PRDM9: variants seen among roughly 807,000 people sequenced by gnomAD.
PRDM9 encodes the protein histone-lysine N-methyltransferase PRDM9.
Under a neutral mutation model 55.6 loss-of-function variants are expected in PRDM9, and 47 were observed. That is an observed-to-expected ratio of 0.85 (90% confidence interval 0.67 to 1.08). PRDM9 has a LOEUF of 1.08. PRDM9 is among the 50% of genes least tolerant of loss of function. The pLI, the probability that PRDM9 is intolerant of heterozygous loss-of-function variation, is 0.00. For missense variants in PRDM9, 867 were observed against 1,040.3 expected, an observed-to-expected ratio of 0.83 and a Z score of 2.29; for synonymous variants, 312 against 375.7, an observed-to-expected ratio of 0.83 and a Z score of 1.96.
chr5:23,513,476 C>T (rs1366371773), intron 4 of PRDM9, among the ~76,000 whole-genome samples: 4 of 152,120 alleles, frequency 2.6e-5, no homozygotes, highest in Admixed American at 6.6e-5. Flanking sequence ...TGCACACTTA[C>T]GCTTCCACCA....
At chr5:23,516,370 C>T (rs1294108226) in intron 4 of PRDM9, among the ~76,000 whole-genome samples, 1 of 151,970 alleles carries the variant, frequency 6.6e-6, no homozygotes, top group African/African-American at 2.4e-5. Context: ...ATGGTGAATT[C>T]ATGTATTATT....
chr5:23,523,502 A>C lies in PRDM9; in HGVS notation c.950+144A>C. On this transcript the variant is annotated intron_variant, in intron 9 of 10. Coordinates refer to ENST00000296682, the MANE Select transcript of PRDM9 (RefSeq NM_020227.4). ...CCATACAATGCTGTTTTATACCATC[A>C]ACATTTAGAAATAATAAATAAAAAT... The C allele has an allele frequency of 3.9e-6, 3 of 771,614 alleles. No individual in the cohort carries two copies. The South Asian group carries it at 5.4e-5, about 14-fold the overall frequency. 47.8% of individuals were successfully genotyped at this position (771,614 alleles called of 1,614,324 possible).
chr5:23,510,812 C>T (rs1273679161), intron 4 of PRDM9, among the ~76,000 whole-genome samples: 1 of 151,978 alleles, frequency 6.6e-6, no homozygotes, highest in Admixed American at 6.6e-5. Context: ...GCTAGGATTA[C>T]AGGCATGAGG....
intron 10 of PRDM9, among the ~76,000 whole-genome samples, chr5:23,524,983 A>G (rs1739404404): frequency 6.6e-6 from 1 of 152,248 alleles, no homozygotes; most frequent in Admixed American, 6.5e-5. Flanking sequence ...TGATCAAGAC[A>G]ATCAGAAAAA....
Position 23,527,748 on chromosome 5 carries a change from CCTACGT to C in PRDM9, c.2663_2668del (p.Tyr888_Val889del), listed in dbSNP as rs1739505764. The C allele has an allele frequency of 6.2e-7, 1 of 1,613,618 alleles. No individual in the cohort carries two copies. The highest frequency in any genetic ancestry group is 8.5e-7 in the Non-Finnish European group (1 of 1,179,830). ...CAGAGGACACACACAGGGGAGAAGC[CCTACGT>C]CTGCAGGGAGGATGAGTAAGTCATT... On this transcript the variant is annotated inframe_deletion, in exon 11 of 11. Transcript: ENST00000296682.
At chr5:23,521,733 C>A (rs957031573) in intron 6 of PRDM9, among the ~76,000 whole-genome samples, 1 of 152,170 alleles carries the variant, frequency 6.6e-6, no homozygotes, top group African/African-American at 2.4e-5. Context: ...TTGGGCAAAT[C>A]TTATAAATTC....
At position 23,509,904 on chromosome 5, in the gene PRDM9, T is replaced by C; in HGVS notation, c.194-16T>C. The C allele has an allele frequency of 6.2e-7, 1 of 1,613,922 alleles. No homozygotes were observed. Among genetic ancestry groups the C allele is most frequent in the Non-Finnish European group, 8.5e-7 (1 of 1,179,936 alleles). ...CAGCTCTTCCATTTTAGAACAAAATTTTTGCTTCTTTTCAGGTCTCAGAGC... is the reference window on the plus strand; with the variant it reads ...CAGCTCTTCCATTTTAGAACAAAATCTTTGCTTCTTTTCAGGTCTCAGAGC... On this transcript the variant is annotated splice_polypyrimidine_tract_variant and intron_variant, in intron 3 of 10. Transcript: ENST00000296682.
chr5:23,522,747 TG>T lies in PRDM9; in HGVS notation c.747del (p.Pro250HisfsTer45). 6.2e-7 allele frequency: 1 copy of T among 1,614,200 alleles called. No individual in the cohort carries two copies. Among genetic ancestry groups the T allele is most frequent in the Non-Finnish European group, 8.5e-7 (1 of 1,180,040 alleles). On this transcript the variant is annotated frameshift_variant, in exon 8 of 11. Coordinates refer to ENST00000296682, the MANE Select transcript of PRDM9 (RefSeq NM_020227.4). LOFTEE classifies it high-confidence loss of function. ...TCAGTCTGCCCCCAGGGCTGAGAAT[TG>T]GGCCATCAGGCATCCCTCAGGCTGG... ...ALSLPPGLRI[G>X]PSGIPQAGLG...
chr5:23,517,139 C>T (rs546820384), intron 4 of PRDM9, among the ~76,000 whole-genome samples: 220 of 123,936 alleles, frequency 1.8e-3, no homozygotes, highest in African/African-American at 6.8e-3. Context: ...GGCGACAGAG[C>T]GAGACTCCAT....
At chr5:23,524,605 A>C in intron 10 of PRDM9, 78 bp downstream of exon 10, 1 of 1,596,912 alleles carries the variant, frequency 6.3e-7, no homozygotes, top group South Asian at 1.1e-5. Flanking sequence ...TTAACTCTTA[A>C]GTACAGTAAA....
chr5:23,509,380 C>G (rs910976771), intron 2 of PRDM9, 90 bp from the exon 3 acceptor site: 1 of 1,601,928 alleles, frequency 6.2e-7, no homozygotes, highest in African/African-American at 1.3e-5. Context: ...TCCCAGAGGC[C>G]CCAGGCTATG....
At chr5:23,509,681 A>C in intron 3 of PRDM9, 88 bp downstream of exon 3, 1 of 1,600,702 alleles carries the variant, frequency 6.2e-7, no homozygotes, top group Non-Finnish European at 8.6e-7. Flanking sequence ...AGGTGGTGGC[A>C]TCTGCCCACA....
chr5:23,517,824 T>C lies in PRDM9; in HGVS notation c.302-57T>C, dbSNP rs1332124423. The C allele has an allele frequency of 7.8e-6, 11 of 1,412,134 alleles. No homozygotes were observed. The East Asian group carries it at 2.3e-4, about 29-fold the overall frequency. 87.5% of individuals were successfully genotyped at this position (1,412,134 alleles called of 1,614,324 possible). A position where few individuals can be genotyped will look rare whatever the true frequency, so the allele number is the denominator to read the frequency against. ...TAAAAATAAAAAATAGAAGAGAGAA[T>C]CTCTAGTGTTTGGAAACATTTACCA... On this transcript the variant is annotated intron_variant, in intron 4 of 10. Coordinates refer to ENST00000296682, the MANE Select transcript of PRDM9 (RefSeq NM_020227.4).
intron 4 of PRDM9, among the ~76,000 whole-genome samples, chr5:23,515,057 G>T (rs111623087): frequency 0.015 from 2,202 of 150,994 alleles, 63 homozygotes; most frequent in African/African-American, 0.052. Context: ...TACACCTCCC[G>T]GGTTCCACCG....
At chr5:23,521,565 T>C (rs1337580053) in intron 6 of PRDM9, among the ~76,000 whole-genome samples, 6 of 152,196 alleles carry the variant, frequency 3.9e-5, no homozygotes, top group Admixed American at 2.6e-4. Flanking sequence ...CTCAAACTCC[T>C]GGCCTCAAGA....
In PRDM9 at chr5:23,516,871, C is replaced by T. The variant is rs565274100; in HGVS notation, c.302-1010C>T. 4.7e-5 allele frequency among the ~76,000 whole-genome samples: 7 copies of T among 149,804 alleles called. No homozygotes were observed. In the East Asian group the frequency reaches 1.3e-3, roughly 27 times the overall value. On this transcript the variant is annotated intron_variant, in intron 4 of 10. Transcript: ENST00000296682. ...ATTAGCTGGGACTACAGGCGCCCGC[C>T]ACCACACCTGTAATCCTAGCACTTT...
chr5:23,524,947 A>G (rs1192802395), intron 10 of PRDM9, among the ~76,000 whole-genome samples: 1 of 152,252 alleles, frequency 6.6e-6, no homozygotes, highest in Non-Finnish European at 1.5e-5. Context: ...GTGCCAGACC[A>G]TGTTGCAGGA....
chr5:23,527,858 G>A lies in PRDM9; in HGVS notation c.*85G>A. On this transcript the variant is annotated 3_prime_UTR_variant, in exon 11 of 11. Transcript: ENST00000296682. ...ACTTGCACACCCCAGCTGTGAGGTG[G>A]CTTCAGCGGAAGTCTGCTGACCCCT... is the stretch of plus-strand genomic sequence containing the variant. The A allele has an allele frequency of 6.5e-7, 1 of 1,549,876 alleles. No homozygotes were observed. The highest frequency in any genetic ancestry group is 8.9e-7 in the Non-Finnish European group (1 of 1,129,546).
At chr5:23,519,080 GAC>G (rs1739276005) in intron 5 of PRDM9, among the ~76,000 whole-genome samples, 1 of 152,178 alleles carries the variant, frequency 6.6e-6, no homozygotes, top group Non-Finnish European at 1.5e-5. Context: ...GGTGATTTGA[GAC>G]AGAGTCTGGC....
Sources: allele counts gnomAD v4.1 joint callset (sites outside exome capture counted in the v4.1 genomes callset), GRCh38; gene constraint gnomAD v4.1.1; transcripts MANE v1.5; gene names NCBI Gene and HGNC (gene_info 2026-07-23, HGNC 2026-07-21).